The following USP38 variants were observed in gnomAD, a reference collection of about 807,000 sequenced individuals.
The protein encoded by USP38 is ubiquitin specific peptidase 38, also known as ubiquitin carboxyl-terminal hydrolase 38.
In USP38, 49 loss-of-function variants were observed where a neutral mutation model predicts 94.3. That is an observed-to-expected ratio of 0.52 (90% CI 0.41 to 0.66). The LOEUF is 0.66. USP38 is among the 30% of genes least tolerant of loss of function. The pLI is 0.00. For synonymous variants in USP38, 468 were observed against 463.6 expected (o/e 1.01, Z -0.12); for missense variants, 1,128 against 1,229.4 (o/e 0.92, Z 1.23).
chr4:143,190,289 T>G (rs1156869336), intron 2 of USP38, among the ~76,000 whole-genome samples: 1 of 152,072 alleles, frequency 6.6e-6, no homozygotes, highest in African/African-American at 2.4e-5. Context: ...TTACATGACA[T>G]AAACTATTTA....
At chr4:143,196,807 T>C (rs1731561394) in intron 3 of USP38, among the ~76,000 whole-genome samples, 2 of 152,214 alleles carry the variant, frequency 1.3e-5, no homozygotes, top group South Asian at 4.1e-4. Context: ...TACAATCTTA[T>C]TCCTGACTTT....
intron 9 of USP38, 192 bp downstream of exon 9, chr4:143,215,135 G>C: frequency 1.7e-6 from 1 of 604,516 alleles, no homozygotes; most frequent in East Asian, 2.9e-5. Flanking sequence ...AATGAAAAGT[G>C]GCAATTAGAT....
intron 2 of USP38, among the ~76,000 whole-genome samples, chr4:143,192,724 A>G (rs981004745): frequency 1.3e-5 from 2 of 152,040 alleles, no homozygotes; most frequent in African/African-American, 4.8e-5. Flanking sequence ...CCACCTCTTA[A>G]TGCCAACACA....
intron 4 of USP38, among the ~76,000 whole-genome samples, chr4:143,198,608 A>G (rs1376472463): frequency 1.3e-5 from 2 of 152,264 alleles, no homozygotes; most frequent in East Asian, 3.9e-4. Context: ...CACCATAACA[A>G]ACTTTAGAGG....
At chr4:143,187,988 T>C (rs763125072) in intron 2 of USP38, 27 bp downstream of exon 2, 6 of 1,578,012 alleles carry the variant, frequency 3.8e-6, no homozygotes, top group Non-Finnish European at 4.3e-6. Flanking sequence ...CTATTAATGG[T>C]AATTGTAGAT....
Position 143,214,419 on chromosome 4 carries a change from G to A in USP38, c.2443G>A (p.Asp815Asn). 1 of 1,613,774 alleles carries A rather than the reference G, an allele frequency of 6.2e-7. No individual in the cohort carries two copies. The change falls in exon 9 of 10, where the codon GAT (aspartate) becomes AAT (asparagine). Residue 815 changes from aspartate (D) to asparagine (N), a missense_variant. Asp to Asn is a conservative substitution (Grantham distance 23, BLOSUM62 1). Coordinates refer to ENST00000307017, the MANE Select transcript of USP38 (RefSeq NM_032557.6). ...ESWSVDVDFT[D>N]LSENLAKKLK... ...TTGGTCTGTAGATGTTGACTTCACT[G>A]ATCTTAGTGAGAACCTTGCTAAAAA... is the stretch of plus-strand genomic sequence containing the variant.
intron 2 of USP38, among the ~76,000 whole-genome samples, chr4:143,192,466 C>T: frequency 6.6e-6 from 1 of 151,126 alleles, no homozygotes; most frequent in East Asian, 2.0e-4. Context: ...GCCCGGCCTT[C>T]AGTTGCTTTC....
rs755342853 is a variant in USP38 at position 143,214,703 on chromosome 4, G to A, written c.2727G>A (p.Met909Ile). The A allele has an allele frequency of 1.1e-5, 17 of 1,613,600 alleles. No individual in the cohort carries two copies. The South Asian group carries it at 1.1e-4, about 10-fold the overall frequency. The change falls in exon 9 of 10, where the codon ATG (methionine) becomes ATA (isoleucine). Residue 909 changes from methionine to isoleucine, a missense_variant. Coordinates refer to ENST00000307017, the MANE Select transcript of USP38 (RefSeq NM_032557.6). ...VFEQDLENKEMSKEWFLFNDS... is the reference protein window; with the variant it reads ...VFEQDLENKEISKEWFLFNDS... ...AACAGGATTTGGAAAATAAGGAAAT[G>A]TCAAAAGAATGGTTTTTATTTAATG...
At chr4:143,210,642 A>G (rs1299278763) in intron 7 of USP38, among the ~76,000 whole-genome samples, 1 of 151,512 alleles carries the variant, frequency 6.6e-6, no homozygotes, top group African/African-American at 2.4e-5. Context: ...TTTTGAGCCT[A>G]TACACATGAG....
intron 3 of USP38, among the ~76,000 whole-genome samples, chr4:143,197,184 A>C (rs1731577006): frequency 6.6e-6 from 1 of 152,198 alleles, no homozygotes; most frequent in Non-Finnish European, 1.5e-5. Flanking sequence ...AGGCCTTTGC[A>C]ATGCCGTTTG....
At chr4:143,192,202 A>G (rs902407638) in intron 2 of USP38, among the ~76,000 whole-genome samples, 4 of 152,204 alleles carry the variant, frequency 2.6e-5, no homozygotes, top group African/African-American at 9.6e-5. Flanking sequence ...TATTTCATGA[A>G]TGCTTTCTTA....
intron 9 of USP38, among the ~76,000 whole-genome samples, chr4:143,217,097 C>G (rs1732206628): frequency 6.6e-6 from 1 of 152,170 alleles, no homozygotes; most frequent in Admixed American, 6.5e-5. Context: ...CAGGCATGAG[C>G]CACTGTGCCC....
Position 143,203,427 on chromosome 4 carries a change from A to G in USP38, c.1070A>G (p.Asn357Ser), listed in dbSNP as rs1350460979. 1.2e-6 allele frequency: 2 copies of G among 1,612,116 alleles called. No homozygotes were observed. Among genetic ancestry groups the G allele is most frequent in the Admixed American group, 3.3e-5 (2 of 59,792 alleles). ...AFHLIVPHVV[N>S]LVHSFKNDGL... Reference sequence around the variant, plus strand: ...TTTCAGATTGTTCCTCATGTGGTTAATTTGGTTCATTCTTTCAAAAATGAT... The same window carrying G: ...TTTCAGATTGTTCCTCATGTGGTTAGTTTGGTTCATTCTTTCAAAAATGAT... The change falls in exon 5 of 10, where the codon AAT becomes AGT. Residue 357 changes from asparagine (N) to serine (S), a missense_variant. By Grantham distance (46) the Asn-to-Ser change is conservative (BLOSUM62 1). Coordinates refer to ENST00000307017, the MANE Select transcript of USP38 (RefSeq NM_032557.6).
rs1731965421 is a variant in USP38 at position 143,209,556 on chromosome 4, TC to T, written c.1404-7del. 1 of 1,483,224 alleles carries T rather than the reference TC, an allele frequency of 6.7e-7. No homozygotes were observed. 91.9% of individuals were successfully genotyped at this position (1,483,224 alleles called of 1,614,324 possible). ...CACATATATATAAATCATTATATTC[TC>T]TTTCAGTTTCAGGAGACAAGTATTA... On this transcript the variant is annotated splice_polypyrimidine_tract_variant and splice_region_variant and intron_variant, in intron 6 of 9. Transcript: ENST00000307017.
chr4:143,196,765 T>C (rs1247843076), intron 3 of USP38, among the ~76,000 whole-genome samples: 1 of 152,240 alleles, frequency 6.6e-6, no homozygotes, highest in African/African-American at 2.4e-5. Context: ...TGTATCCATC[T>C]GTCTTTACAT....
chr4:143,213,741 A>C lies in USP38; in HGVS notation c.1765A>C (p.Met589Leu). 6.2e-7 allele frequency: 1 copy of C among 1,613,760 alleles called. No individual in the cohort carries two copies. The highest frequency in any genetic ancestry group is 8.5e-7 in the Non-Finnish European group (1 of 1,179,796). ...CGGTGAGAAGACTTTAATAGAAAAA[A>C]TGTTTGGAGGAAAACTACGAACTCA... ...SDGEKTLIEK[M>L]FGGKLRTHIR... Residue 589 changes from methionine to leucine, a missense_variant, in exon 9 of 10, where the codon ATG becomes CTG. Transcript: ENST00000307017.
intron 2 of USP38, among the ~76,000 whole-genome samples, chr4:143,191,347 C>T (rs911399011): frequency 6.6e-5 from 10 of 152,132 alleles, no homozygotes; most frequent in African/African-American, 2.4e-4. Context: ...AAAGAGAAAA[C>T]TGATCATCAA....
intron 6 of USP38, among the ~76,000 whole-genome samples, chr4:143,206,551 G>T (rs1034889066): frequency 2.0e-5 from 3 of 152,086 alleles, no homozygotes; most frequent in African/African-American, 4.8e-5. Context: ...TTAGCCAGGC[G>T]TGGTGGTGGG....
chr4:143,210,782 G>A (rs1732003093), intron 7 of USP38, among the ~76,000 whole-genome samples: 1 of 151,846 alleles, frequency 6.6e-6, no homozygotes, highest in African/African-American at 2.4e-5. Context: ...GAATTGATGG[G>A]GTTCAGTTGA....
Sources: allele counts gnomAD v4.1 joint callset (sites outside exome capture counted in the v4.1 genomes callset), GRCh38; gene constraint gnomAD v4.1.1; transcripts MANE v1.5; gene names NCBI Gene and HGNC (gene_info 2026-07-23, HGNC 2026-07-21).